The following AGPAT1 variants were observed in gnomAD, a reference collection of about 807,000 sequenced individuals.
AGPAT1 encodes 1-acylglycerol-3-phosphate O-acyltransferase 1.
Under a neutral mutation model 31.2 loss-of-function variants are expected in AGPAT1, and 6 were observed. That is an observed-to-expected ratio of 0.19 (90% CI 0.11 to 0.38). The LOEUF (loss-of-function observed/expected upper bound fraction) is 0.38, where lower values mean the gene tolerates loss of function less well. Among genes scored for constraint, AGPAT1 ranks in the 10% least tolerant of loss-of-function variants. The pLI is 1.00. For synonymous variants in AGPAT1, 139 were observed against 154.0 expected (o/e 0.90, Z 0.72); for missense variants, 187 against 377.8 (o/e 0.49, Z 4.19).
Position 32,168,946 on chromosome 6 carries a change from G to A in AGPAT1, c.*330C>T. On this transcript the variant is annotated 3_prime_UTR_variant, in exon 7 of 7. Coordinates refer to ENST00000375107, the MANE Select transcript of AGPAT1 (RefSeq NM_006411.4). This position sits in a 1 kb window ranked among gnomAD's most constrained non-coding sequence, Gnocchi z 4.5. Reference sequence around the variant, plus strand: ...AGGGGTAGAGAAGACCACATAGGAAGAGACTCCACTGGGGATGGAATGTTC... The same window carrying A: ...AGGGGTAGAGAAGACCACATAGGAAAAGACTCCACTGGGGATGGAATGTTC... The A allele has an allele frequency of 2.5e-6, 1 of 398,326 alleles. No homozygotes were observed. The highest frequency in any genetic ancestry group is 4.6e-6 in the Non-Finnish European group (1 of 217,952). The allele number at this position is 398,326 out of a possible 1,614,324, so 24.7% of individuals were successfully genotyped here. A position where few individuals can be genotyped will look rare whatever the true frequency, so the allele number is the denominator to read the frequency against.
rs1785367070 is a variant in AGPAT1 at position 32,174,517 on chromosome 6, G to C, written c.-10+1297C>G. 1.3e-5 allele frequency among the ~76,000 whole-genome samples: 2 copies of C among 152,240 alleles called. No individual in the cohort carries two copies. The highest frequency in any genetic ancestry group is 4.1e-4 in the South Asian group (2 of 4,832). ...TGCTCTCATCAAATGTGTGCCAACA[G>C]TGCAAAGAATGGAGGATAATGTCCA... On this transcript the variant is annotated intron_variant, in intron 1 of 6. Coordinates refer to ENST00000375107, the MANE Select transcript of AGPAT1 (RefSeq NM_006411.4). The surrounding 1 kb of genome is among the most constrained non-coding windows in gnomAD (Gnocchi z 4.5).
Position 32,170,455 on chromosome 6 carries a change from A to C in AGPAT1, c.480T>G (p.Ser160=). Residue 160 remains serine, a synonymous_variant, in exon 4 of 7, where the codon TCT becomes TCG. Coordinates refer to ENST00000375107, the MANE Select transcript of AGPAT1 (RefSeq NM_006411.4). This position sits in a 1 kb window ranked among gnomAD's most constrained non-coding sequence, Gnocchi z 7.7. ...KRTGDAISVM[S]EVAQTLLTQD... ...GGGTGAGCAGGGTCTGGGCGACCTC[A>C]GACATGACACTGATGGCATCCCCCG... is the stretch of plus-strand genomic sequence containing the variant. The C allele has an allele frequency of 6.2e-7, 1 of 1,613,224 alleles. No homozygotes were observed. Among genetic ancestry groups the C allele is most frequent in the Non-Finnish European group, 8.5e-7 (1 of 1,180,044 alleles).
upstream of AGPAT1, chr6:32,177,214 G>A: frequency 2.5e-6 from 1 of 397,644 alleles, no homozygotes; most frequent in Non-Finnish European, 4.4e-6. Flanking sequence ...GAAGAGGATT[G>A]GTAGTGGGAG....
Position 32,172,226 on chromosome 6 carries a change from C to T in AGPAT1, c.-9-721G>A, listed in dbSNP as rs417035. On this transcript the variant is annotated intron_variant, in intron 1 of 6. Coordinates refer to ENST00000375107, the MANE Select transcript of AGPAT1 (RefSeq NM_006411.4). This position sits in a 1 kb window ranked among gnomAD's most constrained non-coding sequence, Gnocchi z 4.3. ...ACTCGGGAGGCTGAGGCAGGAGAAT[C>T]GCTTGAATCCGGGAGGCGGAGGTTG... 0.052 allele frequency among the ~76,000 whole-genome samples: 7,916 copies of T among 151,890 alleles called. 294 individuals are homozygous for T. The highest frequency in any genetic ancestry group is 0.1 in the African/African-American group (4,138 of 41,394).
At position 32,171,692 on chromosome 6, in the gene AGPAT1, C is replaced by T; in HGVS notation, c.-9-187G>A. ...GGATGAGGGTGGTGGAGAAAGAGCT[C>T]AGGACTGCTCTCCCACCACTCTTCC... On this transcript the variant is annotated intron_variant, in intron 1 of 6. Transcript: ENST00000375107. The surrounding 1 kb of genome is among the most constrained non-coding windows in gnomAD (Gnocchi z 6.9). The T allele has an allele frequency of 1.4e-6, 1 of 703,974 alleles. No individual in the cohort carries two copies. Among genetic ancestry groups the T allele is most frequent in the East Asian group, 2.7e-5 (1 of 36,880 alleles). The allele number at this position is 703,974 out of a possible 1,614,324, so 43.6% of individuals were successfully genotyped here.
upstream of AGPAT1, chr6:32,176,243 T>C: frequency 9.3e-6 from 7 of 754,662 alleles, no homozygotes; most frequent in Non-Finnish European, 1.1e-5. Flanking sequence ...GCCCCAGGGC[T>C]CTCCCTCGGT....
chr6:32,175,925 G>A lies in AGPAT1; in HGVS notation c.-121C>T, dbSNP rs2127423084. ...CTGTCGGGGTGTCGGTGCCAAGGGG[G>A]CGACGGGATTTGGGGGTGTCCTAGC... On this transcript the variant is annotated 5_prime_UTR_variant, in exon 1 of 7. Transcript: ENST00000375107. This position sits in a 1 kb window ranked among gnomAD's most constrained non-coding sequence, Gnocchi z 4.5. 1 of 985,802 alleles carries A rather than the reference G, an allele frequency of 1.0e-6. No individual in the cohort carries two copies. The highest frequency in any genetic ancestry group is 1.2e-6 in the Non-Finnish European group (1 of 830,194). 61.1% of individuals were successfully genotyped at this position (985,802 alleles called of 1,614,324 possible).
Position 32,172,341 on chromosome 6 carries a change from T to C in AGPAT1, c.-9-836A>G, listed in dbSNP as rs1785177139. Among the ~76,000 whole-genome samples the C allele has an allele frequency of 6.6e-6, 1 of 152,184 alleles. No individual in the cohort carries two copies. The highest frequency in any genetic ancestry group is 1.5e-5 in the Non-Finnish European group (1 of 68,034). ...AAAAAAAAAAGAAATTATAATCTTT[T>C]GGATGTTATCAGATTCAAGAAAATA... On this transcript the variant is annotated intron_variant, in intron 1 of 6. Transcript: ENST00000375107. The surrounding 1 kb of genome is among the most constrained non-coding windows in gnomAD (Gnocchi z 4.3).
chr6:32,169,285 G>A lies in AGPAT1; in HGVS notation c.843C>T (p.Gly281=), dbSNP rs751948997. ...GGGDYLKKPG[G]GG is the part of the protein sequence containing the mutation. The stretch of plus-strand genomic sequence containing the variant: ...AGCTCAGAGCCAGGGTTCACCCACC[G>A]CCCCCAGGCTTCTTCAGATAGTCAC... Residue 281 remains glycine, a synonymous_variant, in exon 7 of 7, where the codon GGC becomes GGT. Coordinates refer to ENST00000375107, the MANE Select transcript of AGPAT1 (RefSeq NM_006411.4). The surrounding 1 kb of genome is among the most constrained non-coding windows in gnomAD (Gnocchi z 5.9). 1.1e-5 allele frequency: 18 copies of A among 1,612,594 alleles called. No homozygotes were observed. Among genetic ancestry groups the A allele is most frequent in the South Asian group, 7.7e-5 (7 of 91,078 alleles).
upstream of AGPAT1, chr6:32,177,298 G>T (rs1040088507): frequency 2.0e-5 from 8 of 391,684 alleles, no homozygotes; most frequent in Non-Finnish European, 2.7e-5. Context: ...ACTCCCCGGG[G>T]TCCAACCTGG....
At position 32,169,716 on chromosome 6, in the gene AGPAT1, C is replaced by T. The variant is rs1422850823; in HGVS notation, c.679+250G>A. Among the ~76,000 whole-genome samples, 1 of 152,180 alleles carries T rather than the reference C, an allele frequency of 6.6e-6. No homozygotes were observed. Among genetic ancestry groups the T allele is most frequent in the Non-Finnish European group, 1.5e-5 (1 of 68,036 alleles). On this transcript the variant is annotated intron_variant, in intron 6 of 6. Coordinates refer to ENST00000375107, the MANE Select transcript of AGPAT1 (RefSeq NM_006411.4). The surrounding 1 kb of genome is among the most constrained non-coding windows in gnomAD (Gnocchi z 5.9). ...ACTGCTGAATGAGTGTTATTCATTA[C>T]AGCTTTGTGCACACAGGCCTTATCT...
rs1006805155 is a variant in AGPAT1, at chr6:32,175,982, G to A, written c.-178C>T. ...CGATGGAGGGGAGGTGGGAGTGGGAGGTTGGGCCCATAGCGGTAGGAATGG... is the reference window on the plus strand; with the variant it reads ...CGATGGAGGGGAGGTGGGAGTGGGAAGTTGGGCCCATAGCGGTAGGAATGG... On this transcript the variant is annotated 5_prime_UTR_variant, in exon 1 of 7. Transcript: ENST00000375107. This position sits in a 1 kb window ranked among gnomAD's most constrained non-coding sequence, Gnocchi z 4.5. The A allele has an allele frequency of 5.7e-5, 56 of 985,622 alleles. 1 individual carries two copies. The African/African-American group carries it at 8.6e-4, about 15-fold the overall frequency. 61.1% of individuals were successfully genotyped at this position (985,622 alleles called of 1,614,324 possible).
At position 32,171,548 on chromosome 6, in the gene AGPAT1, G is replaced by A. The variant is rs759982566; in HGVS notation, c.-9-43C>T. On this transcript the variant is annotated intron_variant, in intron 1 of 6. Coordinates refer to ENST00000375107, the MANE Select transcript of AGPAT1 (RefSeq NM_006411.4). The surrounding 1 kb of genome is among the most constrained non-coding windows in gnomAD (Gnocchi z 6.9). ...AGGGACAATCAGCCTGGTTTCTGGA[G>A]GAGAGTGGGGTAGGCAAGGCACAGA... 32 of 1,538,104 alleles carry A rather than the reference G, an allele frequency of 2.1e-5. No individual in the cohort carries two copies. In the Admixed American group the frequency reaches 5.1e-4, roughly 24 times the overall value.
rs1785318452 is a variant in AGPAT1, at chr6:32,174,014, CA to C, written c.-10+1799del. Among the ~76,000 whole-genome samples, 1 of 152,152 alleles carries C rather than the reference CA, an allele frequency of 6.6e-6. No homozygotes were observed. The highest frequency in any genetic ancestry group is 1.5e-5 in the Non-Finnish European group (1 of 68,016). On this transcript the variant is annotated intron_variant, in intron 1 of 6. Coordinates refer to ENST00000375107, the MANE Select transcript of AGPAT1 (RefSeq NM_006411.4). The surrounding 1 kb of genome is among the most constrained non-coding windows in gnomAD (Gnocchi z 4.5). ...GGTGTGAGCCATCGTGGCTGGCTAG[CA>C]ATCTGTATTTCAACAAGCCCTCTGG...
chr6:32,176,918 T>A, upstream of AGPAT1: 1 of 398,046 alleles, frequency 2.5e-6, no homozygotes. Context: ...CGTGCCTCCT[T>A]AATTTGGTAG....
chr6:32,177,841 G>A (rs926143819), upstream of AGPAT1: 1 of 152,214 alleles, frequency 6.6e-6, no homozygotes, highest in Non-Finnish European at 1.5e-5. Context: ...TGAAGGACCC[G>A]GATGAAGCGA....
rs932034066 is a variant in AGPAT1 at position 32,173,382 on chromosome 6, A to G, written c.-9-1877T>C. ...CAGTTGGAATACCGTAGGCTTTCTG[A>G]GCTGCTCCATCCCACTGCCCCTACA... On this transcript the variant is annotated intron_variant, in intron 1 of 6. Coordinates refer to ENST00000375107, the MANE Select transcript of AGPAT1 (RefSeq NM_006411.4). This position sits in a 1 kb window ranked among gnomAD's most constrained non-coding sequence, Gnocchi z 4.7. Among the ~76,000 whole-genome samples, 8 of 152,158 alleles carry G rather than the reference A, an allele frequency of 5.3e-5. No homozygotes were observed. Among genetic ancestry groups the G allele is most frequent in the Non-Finnish European group, 1.0e-4 (7 of 68,020 alleles).
Position 32,169,970 on chromosome 6 carries a change from G to T in AGPAT1, c.675C>A (p.Thr225=). The T allele has an allele frequency of 6.2e-7, 1 of 1,613,046 alleles. No individual in the cohort carries two copies. The highest frequency in any genetic ancestry group is 1.7e-4 in the Middle Eastern group (1 of 5,966). Residue 225 remains threonine, a synonymous_variant, in exon 6 of 7, where the codon ACC becomes ACA. Coordinates refer to ENST00000375107, the MANE Select transcript of AGPAT1 (RefSeq NM_006411.4). This position sits in a 1 kb window ranked among gnomAD's most constrained non-coding sequence, Gnocchi z 5.9. ...DFYCKKERRF[T]SGQCQVRVLP... is the part of the protein sequence containing the mutation. ...AGAACTGCTCAAAGCCCTCACCCGA[G>T]GTGAAGCGACGCTCCTTCTTGCAGT...
Position 32,169,210 on chromosome 6 carries a change from C to A in AGPAT1, c.*66G>T. 1 of 1,557,816 alleles carries A rather than the reference C, an allele frequency of 6.4e-7. No homozygotes were observed. The highest frequency in any genetic ancestry group is 1.2e-5 in the South Asian group (1 of 85,986). On this transcript the variant is annotated 3_prime_UTR_variant, in exon 7 of 7. Coordinates refer to ENST00000375107, the MANE Select transcript of AGPAT1 (RefSeq NM_006411.4). This position sits in a 1 kb window ranked among gnomAD's most constrained non-coding sequence, Gnocchi z 5.9. ...AAGAGGGTTTGGCCCTGCTTCAGGG[C>A]CCACTGGGTGGGTAGGTGTGGGGAG... is the stretch of plus-strand genomic sequence containing the variant.
Sources: allele counts gnomAD v4.1 joint callset (sites outside exome capture counted in the v4.1 genomes callset), GRCh38; gene constraint gnomAD v4.1.1; non-coding constraint Gnocchi (gnomAD v3.1); transcripts MANE v1.5; gene names NCBI Gene and HGNC (gene_info 2026-07-23, HGNC 2026-07-21).